HSPD1: variants seen among roughly 807,000 people sequenced by gnomAD.
The protein encoded by HSPD1 is heat shock protein family D (Hsp60) member 1, also known as 60 kDa heat shock protein, mitochondrial.
HSPD1 carries 3 observed loss-of-function variants against 53.0 expected under a neutral mutation model. The ratio of observed to expected loss-of-function variants is 0.06; its 90% confidence interval spans 0.03 to 0.15. The LOEUF (loss-of-function observed/expected upper bound fraction) is 0.15, where lower values mean the gene tolerates loss of function less well. Among genes scored for constraint, HSPD1 ranks in the 10% least tolerant of loss-of-function variants. HSPD1 has a pLI of 1.00. For missense variants in HSPD1, 431 were observed against 694.1 expected, an observed-to-expected ratio of 0.62 and a Z score of 4.26; for synonymous variants, 200 against 228.0, an observed-to-expected ratio of 0.88 and a Z score of 1.10.
rs538715940 is a variant in HSPD1 at position 197,498,485 on chromosome 2, G to A, written c.174+190C>T. The stretch of plus-strand genomic sequence containing the variant: ...TGAACAAAATAGTTTCGAAAATCTG[G>A]CTGAAGCAGTTTAAGCTTTAAGATC... On this transcript the variant is annotated intron_variant, in intron 2 of 11. Transcript: ENST00000388968. 7.2e-5 allele frequency among the ~76,000 whole-genome samples: 11 copies of A among 152,252 alleles called. No individual in the cohort carries two copies. In the South Asian group the frequency reaches 1.0e-3, roughly 14 times the overall value.
intron 11 of HSPD1, among the ~76,000 whole-genome samples, chr2:197,487,594 G>C (rs1412616541): frequency 4.6e-5 from 7 of 152,220 alleles, no homozygotes; most frequent in Non-Finnish European, 8.8e-5. Context: ...GGCAGGAACA[G>C]GGTGTTCCAG....
At chr2:197,499,062 T>C (rs2086201152) in intron 1 of HSPD1, 2 of 620,414 alleles carry the variant, frequency 3.2e-6, no homozygotes, top group Non-Finnish European at 2.9e-6. Context: ...GCGCCTGACC[T>C]ATAGCACCAG....
rs1016885746 is a variant in HSPD1 at position 197,499,781 on chromosome 2, C to CCTGCGGGGCGG, written c.-13_-3dup. ...GGAGGTGGTGCGGGAAGGCCGCGTA[C>CCTGCGGGGCGG]CTGCGGGGCGGCGGCAAGGCGTGCG... On this transcript the variant is annotated splice_region_variant and 5_prime_UTR_variant. Coordinates refer to ENST00000388968, the MANE Select transcript of HSPD1 (RefSeq NM_002156.5). 7 of 151,728 alleles carry CCTGCGGGGCGG rather than the reference C, an allele frequency of 4.6e-5. No individual in the cohort carries two copies. Among genetic ancestry groups the CCTGCGGGGCGG allele is most frequent in the African/African-American group, 1.7e-4 (7 of 41,298 alleles). 9.4% of individuals were successfully genotyped at this position (151,728 alleles called of 1,614,324 possible).
chr2:197,495,166 A>T, intron 4 of HSPD1, 128 bp downstream of exon 4: 1 of 685,880 alleles, frequency 1.5e-6, no homozygotes. Flanking sequence ...TAGCAGTAAG[A>T]AACAATGATT....
At chr2:197,487,819 A>C in intron 11 of HSPD1, 39 bp downstream of exon 11, 4 of 1,561,192 alleles carry the variant, frequency 2.6e-6, no homozygotes, top group Non-Finnish European at 2.6e-6. Context: ...TAACAAAATG[A>C]ACAACAAAAG....
intron 11 of HSPD1, 25 bp downstream of exon 11, chr2:197,487,833 T>A (rs1574595932): frequency 6.3e-7 from 1 of 1,596,718 alleles, no homozygotes; most frequent in Non-Finnish European, 8.6e-7. Context: ...ACAAAAGAAT[T>A]TTTAGAAAGT....
intron 8 of HSPD1, 99 bp from the exon 9 acceptor site, chr2:197,489,346 T>C: frequency 3.2e-6 from 4 of 1,245,468 alleles, no homozygotes; most frequent in Non-Finnish European, 4.7e-6. Context: ...CAAAATACTT[T>C]ATTTCTTTGA....
intron 5 of HSPD1, 63 bp from the exon 6 acceptor site, chr2:197,494,313 C>T: frequency 1.2e-6 from 1 of 862,590 alleles, no homozygotes; most frequent in Non-Finnish European, 2.0e-6. Context: ...GAATTACAGG[C>T]CAGATTAATA....
chr2:197,488,902 G>C, intron 9 of HSPD1, 100 bp downstream of exon 9: 2 of 1,240,688 alleles, frequency 1.6e-6, no homozygotes, highest in Non-Finnish European at 2.4e-6. Flanking sequence ...AATTCCTCAA[G>C]TATTCGTTTA....
rs746843596 is a variant in HSPD1 at position 197,488,454 on chromosome 2, T to G, written c.1253A>C (p.Lys418Thr). The change falls in exon 10 of 12, where the codon AAA (lysine) becomes ACA (threonine). Residue 418 changes from lysine to threonine, a missense_variant. Physicochemically the swap from Lys to Thr is moderately conservative, Grantham distance 78. Transcript: ENST00000388968. ...GTSDVEVNEK[K>T]DRVTDALNAT... Reference sequence around the variant, plus strand: ...ATTAAGGGCATCTGTAACTCTGTCTTTCTTTTCATTCACTTCAACATCACT... The same window carrying G: ...ATTAAGGGCATCTGTAACTCTGTCTGTCTTTTCATTCACTTCAACATCACT... 7.4e-6 allele frequency: 12 copies of G among 1,614,054 alleles called. No individual in the cohort carries two copies. The highest frequency in any genetic ancestry group is 9.3e-6 in the Non-Finnish European group (11 of 1,179,884).
chr2:197,496,209 G>A (rs2086155333), intron 3 of HSPD1, among the ~76,000 whole-genome samples: 1 of 152,058 alleles, frequency 6.6e-6, no homozygotes, highest in South Asian at 2.1e-4. Context: ...GTCCCATTTT[G>A]CTCAATTGGG....
intron 2 of HSPD1, among the ~76,000 whole-genome samples, chr2:197,498,001 C>T (rs1410793822): frequency 6.6e-6 from 1 of 152,172 alleles, no homozygotes; most frequent in East Asian, 1.9e-4. Flanking sequence ...CCTTCAAAGG[C>T]CTCCTCAAAA....
intron 9 of HSPD1, 94 bp from the exon 10 acceptor site, chr2:197,488,585 T>G: frequency 4.2e-6 from 5 of 1,190,076 alleles, no homozygotes; most frequent in South Asian, 2.4e-5. Flanking sequence ...AAAGCAATCC[T>G]GAGGTGGGCG....
intron 5 of HSPD1, 117 bp downstream of exon 5, chr2:197,494,540 A>G: frequency 1.6e-6 from 1 of 625,176 alleles, no homozygotes; most frequent in Non-Finnish European, 2.7e-6. Flanking sequence ...GAATAAAAAA[A>G]GCAGTTTTTA....
At chr2:197,494,585 GATC>G (rs1237249212) in intron 5 of HSPD1, 69 bp downstream of exon 5, 2 of 1,065,860 alleles carry the variant, frequency 1.9e-6, no homozygotes, top group Admixed American at 1.8e-5. Flanking sequence ...ATTCAGTTTT[GATC>G]ATCAGATAAC....
At chr2:197,491,191 T>TG (rs200399086) in intron 7 of HSPD1, among the ~76,000 whole-genome samples, 5,866 of 134,150 alleles carry the variant, frequency 0.044, 370 homozygotes, top group African/African-American at 0.17. Flanking sequence ...TTTTTGTGTG[T>TG]TTTTTTTTTT....
At chr2:197,500,194 TC>T, upstream of HSPD1, 1 of 592,024 alleles carries the variant, frequency 1.7e-6, no homozygotes, top group South Asian at 2.1e-5. Context: ...TAGAAACAGC[TC>T]CTTTTTTCTT....
chr2:197,500,264 C>G, upstream of HSPD1: 1 of 800,928 alleles, frequency 1.2e-6, no homozygotes, highest in Non-Finnish European at 2.0e-6. Context: ...AATCGCGGTG[C>G]GCGTCGGGGC....
intron 9 of HSPD1, 51 bp downstream of exon 9, chr2:197,488,951 T>G (rs1300604627): frequency 3.1e-6 from 5 of 1,599,816 alleles, no homozygotes; most frequent in African/African-American, 1.3e-5. Context: ...AGAAGCAAAA[T>G]CATTCTTGGA....
Sources: allele counts gnomAD v4.1 joint callset (sites outside exome capture counted in the v4.1 genomes callset), GRCh38; gene constraint gnomAD v4.1.1; transcripts MANE v1.5; gene names NCBI Gene and HGNC (gene_info 2026-07-23, HGNC 2026-07-21).